Variants in PRPF31 observed in about 807,000 individuals in gnomAD.
PRPF31 encodes U4/U6 small nuclear ribonucleoprotein Prp31.
PRPF31 carries 12 observed loss-of-function variants against 60.4 expected under a neutral mutation model. The ratio of observed to expected loss-of-function variants is 0.20; its 90% CI spans 0.13 to 0.32. The LOEUF is 0.32. Among genes scored for constraint, PRPF31 ranks in the 10% least tolerant of loss-of-function variants. PRPF31 has a pLI of 1.00. For synonymous variants in PRPF31, 287 were observed against 287.9 expected, an observed-to-expected ratio of 1.00 and a Z score of 0.03; for missense variants, 431 against 687.1, an observed-to-expected ratio of 0.63 and a Z score of 4.17.
In PRPF31 at chr19:54,124,536, C is replaced by T. The variant is rs11556769; in HGVS notation, c.735C>T (p.Pro245=). ...AGGLTNLSKM[P]ACNIMLLGAQ... ...GCCTGACCAACCTCTCCAAGATGCC[C>T]GCCTGCAACATCATGCTGCTCGGGG... Residue 245 remains proline (P), a synonymous_variant, in exon 8 of 14, where the codon CCC becomes CCT. Coordinates refer to ENST00000321030, the MANE Select transcript of PRPF31 (RefSeq NM_015629.4). The T allele has an allele frequency of 0.096, 154,203 of 1,611,194 alleles. 8,062 individuals carry two copies. The highest frequency in any genetic ancestry group is 0.11 in the South Asian group (9,746 of 91,060).
intron 1 of PRPF31, among the ~76,000 whole-genome samples, chr19:54,116,901 C>G (rs2073656894): frequency 6.6e-6 from 1 of 152,134 alleles, no homozygotes; most frequent in African/African-American, 2.4e-5. Context: ...TTGAGACCAG[C>G]CTGAGCAACA....
At chr19:54,117,574 C>T (rs974711251) in intron 1 of PRPF31, among the ~76,000 whole-genome samples, 3 of 151,580 alleles carry the variant, frequency 2.0e-5, no homozygotes, top group Admixed American at 6.6e-5. Flanking sequence ...CGGCGAGGCG[C>T]GGTGGCTTAC....
At chr19:54,126,063 G>A (rs587705702) in intron 8 of PRPF31, among the ~76,000 whole-genome samples, 24 of 152,336 alleles carry the variant, frequency 1.6e-4, no homozygotes, top group Admixed American at 6.5e-4. Flanking sequence ...TCTGTTTGCA[G>A]TTTGGATTGG....
At chr19:54,129,217 C>G in intron 12 of PRPF31, 32 bp downstream of exon 12, 1 of 1,597,540 alleles carries the variant, frequency 6.3e-7, no homozygotes. Flanking sequence ...GGCTGGGGAC[C>G]GAGGGACACA....
intron 1 of PRPF31, among the ~76,000 whole-genome samples, chr19:54,117,699 A>T (rs1256210091): frequency 8.6e-5 from 13 of 151,936 alleles, no homozygotes; most frequent in Non-Finnish European, 1.5e-4. Flanking sequence ...AAAAAAAAAA[A>T]AATTAGCTGG....
chr19:54,122,205 G>A (rs1335031554), intron 4 of PRPF31: 16 of 622,136 alleles, frequency 2.6e-5, no homozygotes, highest in Admixed American at 2.1e-4. Flanking sequence ...CCTGCCTCAC[G>A]GTGCGAGGTG....
At chr19:54,120,491 A>G (rs1308529862) in intron 3 of PRPF31, 1 of 152,252 alleles carries the variant, frequency 6.6e-6, no homozygotes, top group African/African-American at 2.4e-5. Flanking sequence ...CCATTTGAGC[A>G]TCAGGGTTAG....
Position 54,122,584 on chromosome 19 carries a change from G to A in PRPF31, c.410G>A (p.Arg137His), listed in dbSNP as rs147725190. 5.0e-6 allele frequency: 8 copies of A among 1,613,530 alleles called. No homozygotes were observed. The highest frequency in any genetic ancestry group is 2.7e-5 in the African/African-American group (2 of 74,916). The change falls in exon 5 of 14, where the codon CGC becomes CAC. Residue 137 changes from arginine (R) to histidine (H), a missense_variant. Arg to His is a conservative substitution (Grantham distance 29). Coordinates refer to ENST00000321030, the MANE Select transcript of PRPF31 (RefSeq NM_015629.4). ...GTCCCCAATGCACTGGATTACATCC[G>A]CACGGTCAAGGTGAGCGCAGAGAAG... ...SLVPNALDYI[R>H]TVKELGNSLD...
At chr19:54,124,705 C>T (rs781007230) in intron 8 of PRPF31, 49 bp downstream of exon 8, 40 of 1,591,808 alleles carry the variant, frequency 2.5e-5, no homozygotes, top group African/African-American at 6.7e-5. Context: ...TGGAGCCTTC[C>T]GCTGTGCCCA....
At chr19:54,116,278 C>G (rs1051865324) in intron 1 of PRPF31, among the ~76,000 whole-genome samples, 2 of 151,646 alleles carry the variant, frequency 1.3e-5, no homozygotes, top group Non-Finnish European at 1.5e-5. Context: ...GATCTCGGTT[C>G]ACTGCAACCT....
intron 8 of PRPF31, 42 bp from the exon 9 acceptor site, chr19:54,126,486 T>A (rs1388050924): frequency 6.3e-7 from 1 of 1,585,948 alleles, no homozygotes; most frequent in Admixed American, 1.8e-5. Flanking sequence ...CCTCTGTCTG[T>A]CTGTCTCACA....
intron 5 of PRPF31, 102 bp from the exon 6 acceptor site, chr19:54,123,352 C>T: frequency 1.1e-6 from 1 of 883,260 alleles, no homozygotes; most frequent in South Asian, 1.3e-5. Context: ...CCCTGACTGT[C>T]CCAGTGTCCC....
intron 8 of PRPF31, among the ~76,000 whole-genome samples, chr19:54,125,529 G>C (rs587714714): frequency 2.2e-4 from 33 of 151,866 alleles, no homozygotes; most frequent in Middle Eastern, 3.4e-3. Flanking sequence ...ACAGGTTCTG[G>C]GACAGACAGG....
intron 9 of PRPF31, 148 bp from the exon 10 acceptor site, chr19:54,127,925 C>G: frequency 1.7e-6 from 2 of 1,172,506 alleles, no homozygotes. Flanking sequence ...AAGTCAACAC[C>G]AAGAAGAAAA....
chr19:54,123,963 CTG>C (rs1568590387), intron 7 of PRPF31, 45 bp downstream of exon 7: 3 of 1,609,732 alleles, frequency 1.9e-6, no homozygotes, highest in South Asian at 1.1e-5. Flanking sequence ...TCTGCTGACA[CTG>C]TGACCTTGGG....
rs771306969 is a variant in PRPF31, at chr19:54,123,593, A to G, written c.527+33A>G. ...CGCTTCGAGGGAGGCGCCGGGCCCT[A>G]ATGGGATTGGGGATTAGGCTGGAGC... is the stretch of plus-strand genomic sequence containing the variant. On this transcript the variant is annotated intron_variant, in intron 6 of 13. Transcript: ENST00000321030. 10 of 1,610,472 alleles carry G rather than the reference A, an allele frequency of 6.2e-6. No individual in the cohort carries two copies. In the African/African-American group the frequency reaches 1.1e-4, roughly 17 times the overall value.
At chr19:54,122,237 A>G (rs1568587232) in intron 4 of PRPF31, 2 of 618,612 alleles carry the variant, frequency 3.2e-6, no homozygotes, top group Non-Finnish European at 5.8e-6. Flanking sequence ...TCCAGCCATC[A>G]CCTCCGCATT....
intron 11 of PRPF31, among the ~76,000 whole-genome samples, chr19:54,128,689 C>A (rs1296167723): frequency 6.6e-6 from 1 of 152,136 alleles, no homozygotes; most frequent in African/African-American, 2.4e-5. Flanking sequence ...GTCCCTGGGC[C>A]CCGCCAGTCT....
At chr19:54,123,011 G>A (rs776780390) in intron 5 of PRPF31, 1 of 442,652 alleles carries the variant, frequency 2.3e-6, no homozygotes, top group Non-Finnish European at 4.2e-6. Context: ...CCAGCCTTTG[G>A]GTCTTAGGAG....
Sources: gnomAD v4.1 joint callset for allele counts (sites outside exome capture counted in the v4.1 genomes callset) on GRCh38, gnomAD v4.1.1 for gene constraint, MANE v1.5 for transcripts, NCBI Gene and HGNC (gene_info 2026-07-23, HGNC 2026-07-21) for gene names.